The following ATP6V1H variants were observed in gnomAD, a reference collection of about 807,000 sequenced individuals.
ATP6V1H encodes ATPase H+ transporting V1 subunit H.
Under a neutral mutation model 71.7 loss-of-function variants are expected in ATP6V1H, and 39 were observed. The observed-to-expected ratio is 0.54, with a 90% confidence interval of 0.42 to 0.71. The LOEUF (loss-of-function observed/expected upper bound fraction) is 0.71, where lower values mean the gene tolerates loss of function less well. ATP6V1H is among the 30% of genes least tolerant of loss of function. The probability of loss-of-function intolerance (pLI) is 0.00; values close to 1 mark genes in which losing one functional copy is unlikely to be tolerated. For synonymous variants in ATP6V1H, 192 were observed against 199.3 expected (o/e 0.96, Z 0.31); for missense variants, 509 against 594.9 (o/e 0.86, Z 1.50).
chr8:53,800,403 G>A (rs1809869725), intron 8 of ATP6V1H, among the ~76,000 whole-genome samples: 1 of 152,210 alleles, frequency 6.6e-6, no homozygotes, highest in South Asian at 2.1e-4. Context: ...ACCAACAGAG[G>A]AAAGTGTTTC....
At chr8:53,740,455 G>A (rs1034623301) in intron 13 of ATP6V1H, among the ~76,000 whole-genome samples, 4 of 152,162 alleles carry the variant, frequency 2.6e-5, no homozygotes, top group Non-Finnish European at 5.9e-5. Context: ...AGACCTTCAT[G>A]CTTTCATCTG....
chr8:53,839,756 T>C lies in ATP6V1H; in HGVS notation c.113+1822A>G. 5.1e-6 allele frequency: 5 copies of C among 985,464 alleles called. No individual in the cohort carries two copies. The South Asian group carries it at 1.9e-4, about 37-fold the overall frequency. 61.0% of individuals were successfully genotyped at this position (985,464 alleles called of 1,614,324 possible). On this transcript the variant is annotated intron_variant, in intron 2 of 13. Coordinates refer to ENST00000359530, the MANE Select transcript of ATP6V1H (RefSeq NM_015941.4). Reference sequence around the variant, plus strand: ...GTGAATGGTCTCAAAAAGAGGGCTCTGGGACACACACTCCCACCTCCATTC... The same window carrying C: ...GTGAATGGTCTCAAAAAGAGGGCTCCGGGACACACACTCCCACCTCCATTC...
At chr8:53,755,709 TATATATATATATATATATATATATATATA>T (rs1808004356) in intron 12 of ATP6V1H, among the ~76,000 whole-genome samples, 6 of 4,848 alleles carry the variant, frequency 1.2e-3, no homozygotes, top group African/African-American at 3.0e-3. Context: ...TATATATATA[TATATATATATATATATATATATATATATA>T]TATATATTTT....
intron 13 of ATP6V1H, among the ~76,000 whole-genome samples, chr8:53,732,761 A>G (rs1304875379): frequency 1.3e-5 from 2 of 152,102 alleles, no homozygotes; most frequent in African/African-American, 4.8e-5. Flanking sequence ...CCAGTTTTGC[A>G]GGAGCCGCCA....
chr8:53,801,330 TC>T (rs897154898), intron 8 of ATP6V1H, among the ~76,000 whole-genome samples: 28 of 152,210 alleles, frequency 1.8e-4, no homozygotes, highest in Non-Finnish European at 2.9e-4. Context: ...AAACAAGATT[TC>T]CATTGTTTTG....
At chr8:53,799,830 T>C (rs757744467) in intron 8 of ATP6V1H, among the ~76,000 whole-genome samples, 1 of 152,114 alleles carries the variant, frequency 6.6e-6, no homozygotes, top group Non-Finnish European at 1.5e-5. Flanking sequence ...GAGTTTACAG[T>C]GAAAAGATGG....
chr8:53,718,293 A>C (rs1029065246), intron 13 of ATP6V1H, among the ~76,000 whole-genome samples: 2 of 152,142 alleles, frequency 1.3e-5, no homozygotes. Flanking sequence ...GTAAAGACAC[A>C]TGCAGCCACA....
Position 53,789,888 on chromosome 8 carries a change from T to A in ATP6V1H, c.870+5759A>T, listed in dbSNP as rs145180315. On this transcript the variant is annotated intron_variant, in intron 9 of 13. Coordinates refer to ENST00000359530, the MANE Select transcript of ATP6V1H (RefSeq NM_015941.4). Reference sequence around the variant, plus strand: ...CTAATTAGGAAACTGCTGACCTTTCTATTGCCCCTAAGGGAAAGTCACACA... The same window carrying A: ...CTAATTAGGAAACTGCTGACCTTTCAATTGCCCCTAAGGGAAAGTCACACA... Among the ~76,000 whole-genome samples, 338 of 152,298 alleles carry A rather than the reference T, an allele frequency of 2.2e-3. 2 individuals carry two copies. The highest frequency in any genetic ancestry group is 7.9e-3 in the African/African-American group (327 of 41,566).
intron 13 of ATP6V1H, among the ~76,000 whole-genome samples, chr8:53,741,708 T>C (rs1303419744): frequency 1.3e-5 from 2 of 152,234 alleles, no homozygotes; most frequent in Non-Finnish European, 2.9e-5. Context: ...CCTGAAGTTT[T>C]TCCTCCTGCT....
At chr8:53,794,497 C>A (rs150762428) in intron 9 of ATP6V1H, among the ~76,000 whole-genome samples, 169 of 152,272 alleles carry the variant, frequency 1.1e-3, no homozygotes, top group Non-Finnish European at 1.7e-3. Flanking sequence ...TCCTGAGCAG[C>A]TGGGATTACA....
At chr8:53,821,957 A>T (rs750459282) in intron 4 of ATP6V1H, among the ~76,000 whole-genome samples, 2 of 152,222 alleles carry the variant, frequency 1.3e-5, no homozygotes, top group Non-Finnish European at 2.9e-5. Flanking sequence ...TCAGAAATTC[A>T]AAACCAAAAC....
At chr8:53,772,378 T>C (rs1194390080) in intron 9 of ATP6V1H, among the ~76,000 whole-genome samples, 1 of 152,192 alleles carries the variant, frequency 6.6e-6, no homozygotes, top group Non-Finnish European at 1.5e-5. Flanking sequence ...TTGTATTTCC[T>C]GGATTACTAA....
At chr8:53,745,167 G>C (rs1008640528) in intron 12 of ATP6V1H, among the ~76,000 whole-genome samples, 1 of 152,070 alleles carries the variant, frequency 6.6e-6, no homozygotes, top group South Asian at 2.1e-4. Flanking sequence ...GACCAAGCTG[G>C]GACAACTGCT....
At chr8:53,791,857 C>G (rs1360269014) in intron 9 of ATP6V1H, among the ~76,000 whole-genome samples, 1 of 152,178 alleles carries the variant, frequency 6.6e-6, no homozygotes, top group African/African-American at 2.4e-5. Flanking sequence ...ATGTCCAGCT[C>G]TATGTTGGTC....
chr8:53,775,700 C>T (rs2130339120), intron 9 of ATP6V1H, among the ~76,000 whole-genome samples: 1 of 151,976 alleles, frequency 6.6e-6, no homozygotes, highest in East Asian at 1.9e-4. Context: ...ACCAGAGCAG[C>T]TAGATACAGA....
intron 13 of ATP6V1H, among the ~76,000 whole-genome samples, chr8:53,719,149 A>G (rs982570849): frequency 1.3e-5 from 2 of 152,136 alleles, no homozygotes; most frequent in African/African-American, 4.8e-5. Context: ...ACTCCTTCGA[A>G]CTTGGCTTTT....
At chr8:53,806,234 T>C (rs1334762780) in intron 7 of ATP6V1H, among the ~76,000 whole-genome samples, 3 of 151,894 alleles carry the variant, frequency 2.0e-5, no homozygotes, top group Non-Finnish European at 4.4e-5. Context: ...AAAAGAAAAA[T>C]AATATCTCTA....
chr8:53,789,762 C>T (rs929526701), intron 9 of ATP6V1H, among the ~76,000 whole-genome samples: 1 of 151,914 alleles, frequency 6.6e-6, no homozygotes, highest in Non-Finnish European at 1.5e-5. Context: ...CAATCTTTTA[C>T]AATTTGAAAA....
chr8:53,815,100 G>A (rs1172151662), intron 5 of ATP6V1H, among the ~76,000 whole-genome samples: 1 of 152,130 alleles, frequency 6.6e-6, no homozygotes, highest in Non-Finnish European at 1.5e-5. Context: ...GAAGCAGACT[G>A]TCACCAAACC....
Sources: gnomAD v4.1 joint callset for allele counts (sites outside exome capture counted in the v4.1 genomes callset) on GRCh38, gnomAD v4.1.1 for gene constraint, MANE v1.5 for transcripts, NCBI Gene and HGNC (gene_info 2026-07-23, HGNC 2026-07-21) for gene names.